CACNB2: variants seen among roughly 807,000 people sequenced by gnomAD.
CACNB2 encodes the protein calcium voltage-gated channel auxiliary subunit beta 2.
In CACNB2, 42 loss-of-function variants were observed where a neutral mutation model predicts 73.3. That is an observed-to-expected ratio of 0.57 (90% CI 0.45 to 0.74). CACNB2 has a LOEUF of 0.74. CACNB2 is among the 30% of genes least tolerant of loss of function. The pLI, the probability that CACNB2 is intolerant of heterozygous loss-of-function variation, is 0.00. For missense variants in CACNB2, 940 were observed against 853.0 expected (o/e 1.10, Z -1.27); for synonymous variants, 348 against 310.3 (o/e 1.12, Z -1.28).
At chr10:18,343,107 G>T (rs540169593) in intron 2 of CACNB2, among the ~76,000 whole-genome samples, 1 of 152,246 alleles carries the variant, frequency 6.6e-6, no homozygotes, top group South Asian at 2.1e-4. Context: ...ACCGCCAAAG[G>T]CAAATATATA....
At chr10:18,234,764 G>T (rs1446576775) in intron 2 of CACNB2, among the ~76,000 whole-genome samples, 1 of 152,156 alleles carries the variant, frequency 6.6e-6, no homozygotes, top group African/African-American at 2.4e-5. Flanking sequence ...TTCAGTTTGG[G>T]ATGCTGAAAA....
intron 2 of CACNB2, among the ~76,000 whole-genome samples, chr10:18,183,356 TCCTGCTGG>T (rs2033986485): frequency 6.6e-6 from 1 of 152,080 alleles, no homozygotes; most frequent in South Asian, 2.1e-4. Context: ...ATTAAAAAAC[TCCTGCTGG>T]TCATTTAAAG....
At chr10:18,511,222 A>G (rs1237214049) in intron 6 of CACNB2, among the ~76,000 whole-genome samples, 1 of 152,126 alleles carries the variant, frequency 6.6e-6, no homozygotes, top group African/African-American at 2.4e-5. Flanking sequence ...TAATTCCATT[A>G]TTACCTTTTT....
At chr10:18,184,987 GCAC>G (rs2034083199) in intron 2 of CACNB2, among the ~76,000 whole-genome samples, 1 of 152,032 alleles carries the variant, frequency 6.6e-6, no homozygotes. Context: ...CTACAGGCAT[GCAC>G]CACCACGCCT....
intron 2 of CACNB2, among the ~76,000 whole-genome samples, chr10:18,248,636 G>T (rs1385694205): frequency 6.6e-6 from 1 of 152,188 alleles, no homozygotes; most frequent in Non-Finnish European, 1.5e-5. Flanking sequence ...TCTTAAAAGA[G>T]AATGTCTATG....
At chr10:18,349,890 C>T (rs1041565710) in intron 2 of CACNB2, among the ~76,000 whole-genome samples, 1 of 152,160 alleles carries the variant, frequency 6.6e-6, no homozygotes, top group Non-Finnish European at 1.5e-5. Context: ...TAAAAACCCA[C>T]CTGTATTGCG....
At chr10:18,527,751 T>C in intron 10 of CACNB2, 54 bp downstream of exon 10, 1 of 1,093,696 alleles carries the variant, frequency 9.1e-7, no homozygotes, top group Non-Finnish European at 1.4e-6. Flanking sequence ...CCGATGTTGA[T>C]GATGAGAAGA....
intron 2 of CACNB2, among the ~76,000 whole-genome samples, chr10:18,250,729 C>A (rs908255330): frequency 6.6e-6 from 1 of 152,214 alleles, no homozygotes; most frequent in Non-Finnish European, 1.5e-5. Flanking sequence ...CAAGATCCAT[C>A]TTTGGCTTCC....
intron 3 of CACNB2, among the ~76,000 whole-genome samples, chr10:18,491,213 A>G (rs573423828): frequency 1.4e-4 from 21 of 152,344 alleles, no homozygotes; most frequent in Admixed American, 8.5e-4. Context: ...ATTCATCAGT[A>G]TTTATGATGG....
intron 2 of CACNB2, among the ~76,000 whole-genome samples, chr10:18,180,695 G>C (rs1004983185): frequency 6.6e-6 from 1 of 152,062 alleles, no homozygotes; most frequent in South Asian, 2.1e-4. Flanking sequence ...GGCCAGGCGC[G>C]GTGGCTCACT....
At chr10:18,225,304 C>T (rs180898045) in intron 2 of CACNB2, among the ~76,000 whole-genome samples, 3 of 152,254 alleles carry the variant, frequency 2.0e-5, no homozygotes, top group East Asian at 1.9e-4. Flanking sequence ...AACCACACCA[C>T]TCACTTCCAG....
At chr10:18,392,434 T>C (rs914977534) in intron 2 of CACNB2, among the ~76,000 whole-genome samples, 1 of 152,106 alleles carries the variant, frequency 6.6e-6, no homozygotes, top group Admixed American at 6.6e-5. Context: ...TTGATGACCT[T>C]GATGAACAGT....
chr10:18,460,887 C>CAA (rs5783603), intron 3 of CACNB2, among the ~76,000 whole-genome samples: 21 of 140,574 alleles, frequency 1.5e-4, no homozygotes, highest in African/African-American at 5.3e-4. Flanking sequence ...AAGATCTTTC[C>CAA]AAAAAAAAAA....
chr10:18,244,311 G>T (rs901943773), intron 2 of CACNB2, among the ~76,000 whole-genome samples: 2 of 152,172 alleles, frequency 1.3e-5, no homozygotes, highest in African/African-American at 4.8e-5. Context: ...ATTTAGCAAT[G>T]GATTTCAGAC....
At chr10:18,149,004 C>CAA (rs373972824) in intron 1 of CACNB2, among the ~76,000 whole-genome samples, 26,111 of 110,068 alleles carry the variant, frequency 0.24, 3,218 homozygotes, top group East Asian at 0.44. Context: ...GACACTGTCT[C>CAA]AAAAAAAAAA....
chr10:18,459,047 G>A (rs995437875), intron 3 of CACNB2, among the ~76,000 whole-genome samples: 27 of 152,126 alleles, frequency 1.8e-4, no homozygotes, highest in Admixed American at 7.2e-4. Context: ...TTACAGGCGC[G>A]AGCCACTGCA....
intron 3 of CACNB2, among the ~76,000 whole-genome samples, chr10:18,443,021 T>C (rs866439520): frequency 0.038 from 4,014 of 106,706 alleles, 677 homozygotes; most frequent in African/African-American, 0.13. Flanking sequence ...TATGTATATA[T>C]ATATATATAT....
At chr10:18,516,347 TATTG>T (rs1395168319) in intron 7 of CACNB2, among the ~76,000 whole-genome samples, 18 of 152,334 alleles carry the variant, frequency 1.2e-4, no homozygotes, top group African/African-American at 3.6e-4. Context: ...GTAGCTACCC[TATTG>T]ATTAAGAAGC....
chr10:18,245,049 C>G (rs1376164733), intron 2 of CACNB2, among the ~76,000 whole-genome samples: 1 of 150,794 alleles, frequency 6.6e-6, no homozygotes, highest in Non-Finnish European at 1.5e-5. Context: ...AAAACAAACT[C>G]TTCCCTGAAG....
Sources: gnomAD v4.1 joint callset for allele counts (sites outside exome capture counted in the v4.1 genomes callset) on GRCh38, gnomAD v4.1.1 for gene constraint, MANE v1.5 for transcripts, NCBI Gene and HGNC (gene_info 2026-07-23, HGNC 2026-07-21) for gene names.